Variants in FBXL17 observed in about 807,000 individuals in gnomAD.
FBXL17 encodes the protein F-box/LRR-repeat protein 17.
A neutral mutation model predicts 66.2 loss-of-function variants in FBXL17; 22 were observed. The observed-to-expected ratio is 0.33, with a 90% confidence interval of 0.24 to 0.47. The LOEUF is 0.47. FBXL17 is among the 20% of genes least tolerant of loss of function. The pLI, the probability that FBXL17 is intolerant of heterozygous loss-of-function variation, is 1.00. For synonymous variants in FBXL17, 474 were observed against 400.5 expected, an observed-to-expected ratio of 1.18 and a Z score of -2.19; for missense variants, 878 against 948.2, an observed-to-expected ratio of 0.93 and a Z score of 0.97.
At chr5:107,962,040 T>A (rs1751931488) in intron 7 of FBXL17, among the ~76,000 whole-genome samples, 1 of 152,194 alleles carries the variant, frequency 6.6e-6, no homozygotes. Context: ...ACTATAGATC[T>A]GTTAAATATA....
intron 6 of FBXL17, among the ~76,000 whole-genome samples, chr5:108,135,044 G>A (rs1007565369): frequency 7.9e-5 from 12 of 152,224 alleles, no homozygotes; most frequent in African/African-American, 2.6e-4. Context: ...GAAACTCACA[G>A]CCTCAAAAAG....
intron 5 of FBXL17, among the ~76,000 whole-genome samples, chr5:108,215,087 C>A (rs1160520059): frequency 6.6e-6 from 1 of 152,048 alleles, no homozygotes; most frequent in East Asian, 1.9e-4. Context: ...ATGAATATAC[C>A]ACATTCTGCT....
chr5:108,093,624 C>T (rs573994838), intron 6 of FBXL17, among the ~76,000 whole-genome samples: 1 of 152,016 alleles, frequency 6.6e-6, no homozygotes, highest in East Asian at 1.9e-4. Context: ...CCTTTTCTAC[C>T]TATTCAAGTT....
In FBXL17 at chr5:108,054,402, A is replaced by C. The variant is rs58696474; in HGVS notation, c.1746-33401T>G. The stretch of plus-strand genomic sequence containing the variant: ...GAGGGTCACCTCATTACTGCTGGGC[A>C]GTGGTGGAAGTCAGGCTCCTTATAG... On this transcript the variant is annotated intron_variant, in intron 6 of 8. Coordinates refer to ENST00000542267, the MANE Select transcript of FBXL17 (RefSeq NM_001163315.3). Among the ~76,000 whole-genome samples, 715 of 152,236 alleles carry C rather than the reference A, an allele frequency of 4.7e-3. 6 individuals carry two copies. The highest frequency in any genetic ancestry group is 0.016 in the African/African-American group (678 of 41,544).
intron 4 of FBXL17, among the ~76,000 whole-genome samples, chr5:108,259,950 A>G (rs1004757789): frequency 2.6e-5 from 4 of 151,958 alleles, no homozygotes; most frequent in Non-Finnish European, 4.4e-5. Flanking sequence ...AACTCTGTCC[A>G]CTACTGGCTT....
intron 6 of FBXL17, among the ~76,000 whole-genome samples, chr5:108,177,065 T>C (rs9885394): frequency 0.017 from 2,596 of 152,318 alleles, 64 homozygotes; most frequent in African/African-American, 0.058. Flanking sequence ...GTAGTCTCCT[T>C]TAATCTGCAA....
chr5:107,988,195 A>T (rs531508439), intron 7 of FBXL17, among the ~76,000 whole-genome samples: 1 of 152,136 alleles, frequency 6.6e-6, no homozygotes, highest in African/African-American at 2.4e-5. Flanking sequence ...CGTATAATAC[A>T]GTTACAATAT....
In FBXL17 at chr5:108,359,082, T is replaced by C. The variant is rs182988309; in HGVS notation, c.1374+5656A>G. 1.4e-3 allele frequency among the ~76,000 whole-genome samples: 211 copies of C among 152,256 alleles called. 1 individual carries two copies. The highest frequency in any genetic ancestry group is 4.9e-3 in the African/African-American group (205 of 41,562). On this transcript the variant is annotated intron_variant, in intron 3 of 8. Coordinates refer to ENST00000542267, the MANE Select transcript of FBXL17 (RefSeq NM_001163315.3). Reference sequence around the variant, plus strand: ...AGAAATTTTTCCATTTCTTCTAGCCTATCCAATTTGTTGGTATGCAGTTAT... The same window carrying C: ...AGAAATTTTTCCATTTCTTCTAGCCCATCCAATTTGTTGGTATGCAGTTAT...
intron 4 of FBXL17, among the ~76,000 whole-genome samples, chr5:108,242,199 A>G (rs569603422): frequency 6.6e-6 from 1 of 152,322 alleles, no homozygotes; most frequent in African/African-American, 2.4e-5. Context: ...CTGATCAAAA[A>G]TAATAACTAC....
At chr5:108,147,909 GA>G (rs796658829) in intron 6 of FBXL17, among the ~76,000 whole-genome samples, 4 of 144,494 alleles carry the variant, frequency 2.8e-5, no homozygotes, top group Admixed American at 6.9e-5. Flanking sequence ...TCAATGAGCT[GA>G]AAAAAAAAAC....
At chr5:108,193,756 G>T (rs200379815) in intron 5 of FBXL17, among the ~76,000 whole-genome samples, 1 of 151,912 alleles carries the variant, frequency 6.6e-6, no homozygotes, top group African/African-American at 2.4e-5. Context: ...GGACTTACAG[G>T]GTCTTGGAAT....
At chr5:108,321,548 T>C (rs940011560) in intron 4 of FBXL17, among the ~76,000 whole-genome samples, 1 of 151,902 alleles carries the variant, frequency 6.6e-6, no homozygotes, top group African/African-American at 2.4e-5. Context: ...GTCCTGAACA[T>C]GCTCCAATGT....
intron 6 of FBXL17, among the ~76,000 whole-genome samples, chr5:108,044,175 A>G (rs1404144710): frequency 4.6e-5 from 7 of 152,078 alleles, no homozygotes; most frequent in African/African-American, 1.7e-4. Flanking sequence ...TGCCTTTATT[A>G]CTTTATCTGG....
intron 4 of FBXL17, among the ~76,000 whole-genome samples, chr5:108,302,768 A>G (rs527402707): frequency 1.3e-5 from 2 of 151,996 alleles, no homozygotes; most frequent in East Asian, 3.9e-4. Context: ...TATGAAATTT[A>G]CATATAGATA....
intron 5 of FBXL17, among the ~76,000 whole-genome samples, chr5:108,213,863 G>A (rs1754483352): frequency 6.6e-6 from 1 of 152,116 alleles, no homozygotes; most frequent in Non-Finnish European, 1.5e-5. Context: ...CTTTTCATGT[G>A]CTTATTTTCT....
At chr5:108,026,670 G>A (rs1369251525) in intron 6 of FBXL17, among the ~76,000 whole-genome samples, 1 of 152,088 alleles carries the variant, frequency 6.6e-6, no homozygotes, top group African/African-American at 2.4e-5. Context: ...AATTATCTCC[G>A]GACACTCATT....
chr5:108,117,906 T>G lies in FBXL17; in HGVS notation c.1745+68211A>C, dbSNP rs138820810. The stretch of plus-strand genomic sequence containing the variant: ...CTAGAAAGCACAGTTTGGGAAGCCC[T>G]ACATTAGATAGCTGAGAAAAAACTC... On this transcript the variant is annotated intron_variant, in intron 6 of 8. Coordinates refer to ENST00000542267, the MANE Select transcript of FBXL17 (RefSeq NM_001163315.3). Among the ~76,000 whole-genome samples the G allele has an allele frequency of 2.3e-3, 343 of 152,268 alleles. 1 individual carries two copies. Among genetic ancestry groups the G allele is most frequent in the African/African-American group, 8.0e-3 (334 of 41,552 alleles).
intron 7 of FBXL17, among the ~76,000 whole-genome samples, chr5:107,902,656 G>A (rs1749608874): frequency 6.6e-6 from 1 of 152,124 alleles, no homozygotes; most frequent in South Asian, 2.1e-4. Flanking sequence ...GCAGCTACCT[G>A]AAGATGATGT....
chr5:107,931,808 C>A (rs1393539078), intron 7 of FBXL17, among the ~76,000 whole-genome samples: 1 of 152,062 alleles, frequency 6.6e-6, no homozygotes, highest in East Asian at 1.9e-4. Context: ...AACATAAATT[C>A]AAGTATTTAT....
Sources: allele counts gnomAD v4.1 joint callset (sites outside exome capture counted in the v4.1 genomes callset), GRCh38; gene constraint gnomAD v4.1.1; transcripts MANE v1.5; gene names NCBI Gene and HGNC (gene_info 2026-07-23, HGNC 2026-07-21).